The following EVC2 variants were observed in gnomAD, a reference collection of about 807,000 sequenced individuals.
The protein encoded by EVC2 is EvC ciliary complex subunit 2.
EVC2 carries 148 observed loss-of-function variants against 149.3 expected under a neutral mutation model. The ratio of observed to expected loss-of-function variants is 0.99; its 90% CI spans 0.87 to 1.14. The LOEUF (loss-of-function observed/expected upper bound fraction) is 1.14. Ranked by LOEUF, EVC2 falls within the 50% of genes most tolerant of loss-of-function variation. The pLI, the probability that EVC2 is intolerant of heterozygous loss-of-function variation, is 0.00. For missense variants in EVC2, 1,854 were observed against 1,627.3 expected, an observed-to-expected ratio of 1.14 and a Z score of -2.40; for synonymous variants, 776 against 649.9, an observed-to-expected ratio of 1.19 and a Z score of -2.95.
At chr4:5,617,371 G>T (rs1344654419) in intron 15 of EVC2, among the ~76,000 whole-genome samples, 1 of 152,156 alleles carries the variant, frequency 6.6e-6, no homozygotes, top group Non-Finnish European at 1.5e-5. Flanking sequence ...GTAAGCTTCA[G>T]TAATTTTAAT....
chr4:5,663,326 C>A, intron 8 of EVC2, 80 bp from the exon 9 acceptor site: 1 of 1,594,188 alleles, frequency 6.3e-7, no homozygotes, highest in South Asian at 1.1e-5. Flanking sequence ...GAGGGAAGGC[C>A]AGGGGTCTGC....
chr4:5,684,768 G>A (rs1461060375), intron 6 of EVC2, among the ~76,000 whole-genome samples: 1 of 152,126 alleles, frequency 6.6e-6, no homozygotes, highest in East Asian at 1.9e-4. Context: ...TTGGAGACAG[G>A]GTCTTTACAG....
chr4:5,592,550 G>C (rs1712906722), intron 16 of EVC2, among the ~76,000 whole-genome samples: 1 of 152,158 alleles, frequency 6.6e-6, no homozygotes, highest in Admixed American at 6.5e-5. Flanking sequence ...ATAATAATTG[G>C]TTGCAGCTGG....
chr4:5,643,390 T>C (rs1241529213), intron 9 of EVC2, among the ~76,000 whole-genome samples: 2 of 152,156 alleles, frequency 1.3e-5, no homozygotes, highest in Admixed American at 1.3e-4. Context: ...ATGTAATTGT[T>C]TTTTTCACAA....
rs1358199124 is a variant in EVC2 at position 5,562,503 on chromosome 4, A to T, written c.*345T>A. On this transcript the variant is annotated 3_prime_UTR_variant, in exon 22 of 22. Transcript: ENST00000344408. This position sits in a 1 kb window ranked among gnomAD's most constrained non-coding sequence, Gnocchi z 4.3. Reference sequence around the variant, plus strand: ...AAAAATAGAATATGTAACAAATACAAAACATAAGAGTAGAGAATCTGGCTG... The same window carrying T: ...AAAAATAGAATATGTAACAAATACATAACATAAGAGTAGAGAATCTGGCTG... The T allele has an allele frequency of 3.5e-6, 4 of 1,138,032 alleles. No homozygotes were observed. Among genetic ancestry groups the T allele is most frequent in the Middle Eastern group, 7.7e-4 (2 of 2,606 alleles). The allele number at this position is 1,138,032 out of a possible 1,614,324, so 70.5% of individuals were successfully genotyped here. A position where few individuals can be genotyped will look rare whatever the true frequency, so the allele number is the denominator to read the frequency against.
chr4:5,549,718 T>C (rs1039650836), intron 21 of EVC2, among the ~76,000 whole-genome samples: 4 of 152,098 alleles, frequency 2.6e-5, no homozygotes, highest in Non-Finnish European at 1.5e-5. Context: ...GTAATGCATA[T>C]CCAAAGTTTA....
chr4:5,541,355 G>T (rs915558236), downstream of EVC2, among the ~76,000 whole-genome samples: 2 of 152,204 alleles, frequency 1.3e-5, no homozygotes, highest in African/African-American at 4.8e-5. Flanking sequence ...GATCAATAGG[G>T]AGTGCGTCCA....
At chr4:5,565,501 T>C in intron 20 of EVC2, 142 bp from the exon 21 acceptor site, 1 of 702,116 alleles carries the variant, frequency 1.4e-6, no homozygotes. Flanking sequence ...TGAAACCCAG[T>C]CTCTACTAAA....
At position 5,562,611 on chromosome 4, in the gene EVC2, T is replaced by A; in HGVS notation, c.*237A>T. On this transcript the variant is annotated 3_prime_UTR_variant, in exon 22 of 22. Transcript: ENST00000344408. The surrounding 1 kb of genome is among the most constrained non-coding windows in gnomAD (Gnocchi z 4.3). ...GGTCTCCTCCAGGGCCCTGGGGAGG[T>A]GGGGCTGAAAGAAGGAGTGTTTATG... 2.2e-6 allele frequency: 3 copies of A among 1,392,718 alleles called. No homozygotes were observed. Among genetic ancestry groups the A allele is most frequent in the Non-Finnish European group, 2.8e-6 (3 of 1,074,340 alleles). 86.3% of individuals were successfully genotyped at this position (1,392,718 alleles called of 1,614,324 possible). A position where few individuals can be genotyped will look rare whatever the true frequency, so the allele number is the denominator to read the frequency against.
At chr4:5,648,594 A>C (rs1396534705) in intron 9 of EVC2, among the ~76,000 whole-genome samples, 1 of 152,204 alleles carries the variant, frequency 6.6e-6, no homozygotes, top group Admixed American at 6.5e-5. Flanking sequence ...AACAGAAGGC[A>C]CACAGCACAG....
At chr4:5,542,634 G>GC (rs1350969238), downstream of EVC2, 1 of 156,514 alleles carries the variant, frequency 6.4e-6, no homozygotes, top group Non-Finnish European at 1.4e-5. Context: ...GAGAGTCTGT[G>GC]CCCAGTATTT....
chr4:5,674,054 A>G (rs1369600168), intron 7 of EVC2, among the ~76,000 whole-genome samples: 1 of 147,214 alleles, frequency 6.8e-6, no homozygotes, highest in East Asian at 2.1e-4. Context: ...TTCCTCCGGA[A>G]CAGTCTAAGA....
chr4:5,589,461 C>T (rs947539969), intron 16 of EVC2, among the ~76,000 whole-genome samples: 3 of 152,184 alleles, frequency 2.0e-5, no homozygotes, highest in Non-Finnish European at 2.9e-5. Context: ...GTAGACACCT[C>T]TGGAGTTTTC....
At chr4:5,645,285 G>T (rs922751921) in intron 9 of EVC2, among the ~76,000 whole-genome samples, 1 of 150,862 alleles carries the variant, frequency 6.6e-6, no homozygotes, top group Admixed American at 6.6e-5. Flanking sequence ...TAAGTTCAGG[G>T]GTATATGTGT....
At chr4:5,681,218 A>G (rs1396787712) in intron 7 of EVC2, 42 bp downstream of exon 7, 1 of 1,607,358 alleles carries the variant, frequency 6.2e-7, no homozygotes, top group Admixed American at 1.7e-5. Context: ...CACACAGCAC[A>G]GGTGTGTCCT....
At chr4:5,641,865 G>A (rs1271221876) in intron 9 of EVC2, among the ~76,000 whole-genome samples, 1 of 152,136 alleles carries the variant, frequency 6.6e-6, no homozygotes, top group Non-Finnish European at 1.5e-5. Flanking sequence ...GGTGGTTGCT[G>A]CACCTATCAA....
At chr4:5,621,110 G>C (rs967754853) in intron 14 of EVC2, among the ~76,000 whole-genome samples, 1 of 152,212 alleles carries the variant, frequency 6.6e-6, no homozygotes, top group East Asian at 1.9e-4. Flanking sequence ...AACCAAGATA[G>C]TATCAATCTT....
chr4:5,641,238 G>A (rs1007202779), intron 9 of EVC2, among the ~76,000 whole-genome samples: 1 of 152,024 alleles, frequency 6.6e-6, no homozygotes, highest in Non-Finnish European at 1.5e-5. Flanking sequence ...GTCATATCCT[G>A]GACGGAATCC....
intron 15 of EVC2, among the ~76,000 whole-genome samples, chr4:5,617,356 AT>A (rs1352814997): frequency 1.3e-5 from 2 of 152,208 alleles, no homozygotes; most frequent in Non-Finnish European, 2.9e-5. Flanking sequence ...TTCAGGTGAG[AT>A]CATGTAAGCT....
Sources: allele counts gnomAD v4.1 joint callset (sites outside exome capture counted in the v4.1 genomes callset), GRCh38; gene constraint gnomAD v4.1.1; non-coding constraint Gnocchi (gnomAD v3.1); transcripts MANE v1.5; gene names NCBI Gene and HGNC (gene_info 2026-07-23, HGNC 2026-07-21).